PCDHGB3: variants seen among roughly 807,000 people sequenced by gnomAD.
PCDHGB3 encodes the protein protocadherin gamma-B3.
A neutral mutation model predicts 59.2 loss-of-function variants in PCDHGB3; 40 were observed. The ratio of observed to expected loss-of-function variants is 0.68; its 90% CI spans 0.52 to 0.88. The LOEUF (loss-of-function observed/expected upper bound fraction) is 0.88. Among genes scored for constraint, PCDHGB3 ranks in the 40% least tolerant of loss-of-function variants. The pLI is 0.00. For missense variants in PCDHGB3, 1,309 were observed against 1,187.9 expected (o/e 1.10, Z -1.50); for synonymous variants, 581 against 503.6 (o/e 1.15, Z -2.06).
At position 141,485,677 on chromosome 5, in the gene PCDHGB3, C is replaced by T. The variant is rs757797282; in HGVS notation, c.2416-9130C>T. ...CAGATGTGGGGAGCAATTCGATTAG[C>T]AGCTATAGGCTGAGCTCCAATGAAC... On this transcript the variant is annotated intron_variant, in intron 1 of 3. Transcript: ENST00000576222. This position sits in a 1 kb window ranked among gnomAD's most constrained non-coding sequence, Gnocchi z 5.7. 2.4e-5 allele frequency: 38 copies of T among 1,612,714 alleles called. No individual in the cohort carries two copies. In the East Asian group the frequency reaches 7.8e-4, roughly 33 times the overall value.
chr5:141,444,997 A>G (rs2154560871), intron 1 of PCDHGB3, among the ~76,000 whole-genome samples: 1 of 152,292 alleles, frequency 6.6e-6, no homozygotes, highest in Admixed American at 6.5e-5. Context: ...ATATATTTCC[A>G]TTTAATTAGG....
rs1472816403 is a variant in PCDHGB3 at position 141,451,473 on chromosome 5, C to T, written c.2416-43334C>T. On this transcript the variant is annotated intron_variant, in intron 1 of 3. Transcript: ENST00000576222. ...TGTTAGCTTGAGGTCTACCTCAGTTCCTTGCCATGTGGACCTCCATAGGGC... is the reference window on the plus strand; with the variant it reads ...TGTTAGCTTGAGGTCTACCTCAGTTTCTTGCCATGTGGACCTCCATAGGGC... Among the ~76,000 whole-genome samples the T allele has an allele frequency of 2.0e-5, 3 of 152,218 alleles. No homozygotes were observed. In the East Asian group the frequency reaches 5.8e-4, roughly 29 times the overall value.
chr5:141,492,558 G>A (rs879634396), intron 1 of PCDHGB3, among the ~76,000 whole-genome samples: 1 of 152,236 alleles, frequency 6.6e-6, no homozygotes, highest in South Asian at 2.1e-4. Context: ...CGCCTGGGGG[G>A]CGGCCTGAGC....
chr5:141,454,880 T>C (rs1561957456), intron 1 of PCDHGB3, among the ~76,000 whole-genome samples: 1 of 137,862 alleles, frequency 7.3e-6, no homozygotes, highest in Non-Finnish European at 1.5e-5. Flanking sequence ...CGATCTTGGC[T>C]CACTGCTAGC....
In PCDHGB3 at chr5:141,449,878, A is replaced by G. The variant is rs536474516; in HGVS notation, c.2416-44929A>G. On this transcript the variant is annotated intron_variant, in intron 1 of 3. Transcript: ENST00000576222. ...ATAAAAATCAGAAAATTTAACATCA[A>G]TGCAATATAATTATTTAGCCTATAG... 6.6e-4 allele frequency among the ~76,000 whole-genome samples: 100 copies of G among 152,050 alleles called. 1 individual carries two copies. The highest frequency in any genetic ancestry group is 2.4e-3 in the African/African-American group (99 of 41,574).
At chr5:141,408,353 G>A (rs1218585930) in intron 1 of PCDHGB3, 1 of 1,613,816 alleles carries the variant, frequency 6.2e-7, no homozygotes, top group Non-Finnish European at 8.5e-7. Flanking sequence ...GGGGAACCTC[G>A]CTAAGGATCT....
chr5:141,459,580 G>C (rs1364413383), intron 1 of PCDHGB3, among the ~76,000 whole-genome samples: 1 of 152,118 alleles, frequency 6.6e-6, no homozygotes, highest in Non-Finnish European at 1.5e-5. Flanking sequence ...GAATTGTTTT[G>C]GGGGTCATAT....
At position 141,496,642 on chromosome 5, in the gene PCDHGB3, G is replaced by C. The variant is rs1053400475; in HGVS notation, c.2474+1777G>C. Among the ~76,000 whole-genome samples the C allele has an allele frequency of 6.6e-5, 10 of 152,318 alleles. No individual in the cohort carries two copies. In the East Asian group the frequency reaches 1.5e-3, roughly 24 times the overall value. ...AGATCAAAAGGCTTGGGCTGCCCTT[G>C]CCCTTCCTTTGACCCCAGCTGTTGT... On this transcript the variant is annotated intron_variant, in intron 2 of 3. Transcript: ENST00000576222.
chr5:141,400,145 A>T (rs543908773), intron 1 of PCDHGB3: 6 of 1,613,314 alleles, frequency 3.7e-6, no homozygotes, highest in Non-Finnish European at 4.2e-6. Flanking sequence ...GATATCACTG[A>T]CCGCCCTGTA....
chr5:141,503,506 G>A (rs2099820313), intron 2 of PCDHGB3, among the ~76,000 whole-genome samples: 1 of 151,616 alleles, frequency 6.6e-6, no homozygotes, highest in African/African-American at 2.4e-5. Context: ...GGCTGAGGCA[G>A]GAGAATCACT....
rs770808281 is a variant in PCDHGB3, at chr5:141,375,056, C to T, written c.2415+2247C>T. The T allele has an allele frequency of 1.9e-6, 3 of 1,613,848 alleles. No individual in the cohort carries two copies. The East Asian group carries it at 6.7e-5, about 36-fold the overall frequency. On this transcript the variant is annotated intron_variant, in intron 1 of 3. Transcript: ENST00000576222. ...GCTGGGTGTTGAAGCCCGGGATGGG[C>T]CAGGTCTTCGAGACAGAGCGAAAGT...
rs2096665320 is a variant in PCDHGB3 at position 141,422,696 on chromosome 5, A to G, written c.2415+49887A>G. The G allele has an allele frequency of 3.1e-6, 5 of 1,602,638 alleles. No homozygotes were observed. The highest frequency in any genetic ancestry group is 4.3e-6 in the Non-Finnish European group (5 of 1,174,110). On this transcript the variant is annotated intron_variant, in intron 1 of 3. Coordinates refer to ENST00000576222, the MANE Select transcript of PCDHGB3 (RefSeq NM_018924.5). Reference sequence around the variant, plus strand: ...AGCAAACAGAATGCCCTGGTCACTTACTCTCTGACGGATGACACTGTCCAG... The same window carrying G: ...AGCAAACAGAATGCCCTGGTCACTTGCTCTCTGACGGATGACACTGTCCAG...
At chr5:141,426,514 G>A (rs867794856) in intron 1 of PCDHGB3, 22 of 340,738 alleles carry the variant, frequency 6.5e-5, no homozygotes, top group Non-Finnish European at 8.2e-5. Context: ...ATACTTTACC[G>A]TGAACACGGA....
intron 1 of PCDHGB3, chr5:141,420,295 T>G (rs1282298065): frequency 6.8e-7 from 1 of 1,466,506 alleles, no homozygotes; most frequent in East Asian, 2.3e-5. Flanking sequence ...AAAAATGTAT[T>G]TAATCCTTTT....
intron 1 of PCDHGB3, chr5:141,424,576 C>CA (rs2096829154): frequency 6.6e-6 from 1 of 152,132 alleles, no homozygotes; most frequent in African/African-American, 2.4e-5. Context: ...AACCTATTTT[C>CA]AAATGTGCTA....
Position 141,372,054 on chromosome 5 carries a change from G to T in PCDHGB3, c.1660G>T (p.Asp554Tyr), listed in dbSNP as rs377450479. Residue 554 changes from aspartate to tyrosine, a missense_variant, in exon 1 of 4, where the codon GAC becomes TAC. Transcript: ENST00000576222. ...ANVSLRVLVD[D>Y]RNDNAPLVLY... ...CGTGAGCCTGCGCGTGTTGGTGGAC[G>T]ACCGCAACGACAATGCACCGCTGGT... The T allele has an allele frequency of 7.4e-6, 12 of 1,613,396 alleles. No individual in the cohort carries two copies. In the African/African-American group the frequency reaches 8.0e-5, roughly 11 times the overall value.
chr5:141,404,361 C>A, intron 1 of PCDHGB3: 3 of 1,613,956 alleles, frequency 1.9e-6, no homozygotes, highest in Non-Finnish European at 2.5e-6. Context: ...AGAGGTACTT[C>A]CATCTTCTCC....
intron 1 of PCDHGB3, among the ~76,000 whole-genome samples, chr5:141,456,866 G>A (rs2098893781): frequency 6.6e-6 from 1 of 152,170 alleles, no homozygotes; most frequent in African/African-American, 2.4e-5. Flanking sequence ...GGGAGGCTGA[G>A]GCAGGAGAAT....
chr5:141,490,229 T>C lies in PCDHGB3; in HGVS notation c.2416-4578T>C. The C allele has an allele frequency of 6.2e-7, 1 of 1,614,198 alleles. No individual in the cohort carries two copies. Among genetic ancestry groups the C allele is most frequent in the Non-Finnish European group, 8.5e-7 (1 of 1,180,034 alleles). On this transcript the variant is annotated intron_variant, in intron 1 of 3. Coordinates refer to ENST00000576222, the MANE Select transcript of PCDHGB3 (RefSeq NM_018924.5). The surrounding 1 kb of genome is among the most constrained non-coding windows in gnomAD (Gnocchi z 5.4). ...GCCCGTGACCAGGGACAGCCTGCCA[T>C]GGAGGGCCACTGTGTGATTCAAGTG... is the stretch of plus-strand genomic sequence containing the variant.
Sources: gnomAD v4.1 joint callset for allele counts (sites outside exome capture counted in the v4.1 genomes callset) on GRCh38, gnomAD v4.1.1 for gene constraint, Gnocchi (gnomAD v3.1) non-coding constraint, MANE v1.5 for transcripts, NCBI Gene and HGNC (gene_info 2026-07-23, HGNC 2026-07-21) for gene names.